COL6A3: variants seen among roughly 807,000 people sequenced by gnomAD.
The protein encoded by COL6A3 is collagen type VI alpha 3 chain.
COL6A3 carries 137 observed loss-of-function variants against 274.1 expected under a neutral mutation model. That is an observed-to-expected ratio of 0.50 (90% confidence interval 0.44 to 0.58). The LOEUF is 0.58. COL6A3 is among the 20% of genes least tolerant of loss of function. COL6A3 has a pLI of 0.00. For synonymous variants in COL6A3, 1,650 were observed against 1,650.6 expected, an observed-to-expected ratio of 1.00 and a Z score of 0.01; for missense variants, 3,950 against 4,124.9, an observed-to-expected ratio of 0.96 and a Z score of 1.16.
In COL6A3 at chr2:237,414,107, T is replaced by G. The variant is rs1412911634; in HGVS notation, c.-185A>C. Reference sequence around the variant, plus strand: ...ACTCAGAGCTGCGGAGGAAAACTCTTGCAGTCCTTGCAGGAGGCTGGAGCC... The same window carrying G: ...ACTCAGAGCTGCGGAGGAAAACTCTGGCAGTCCTTGCAGGAGGCTGGAGCC... On this transcript the variant is annotated 5_prime_UTR_variant, in exon 1 of 44. Transcript: ENST00000295550. 2 of 152,202 alleles carry G rather than the reference T, an allele frequency of 1.3e-5. No individual in the cohort carries two copies. The highest frequency in any genetic ancestry group is 4.8e-5 in the African/African-American group (2 of 41,452). 9.4% of individuals were successfully genotyped at this position (152,202 alleles called of 1,614,324 possible). A position where few individuals can be genotyped will look rare whatever the true frequency, so the allele number is the denominator to read the frequency against.
intron 26 of COL6A3, among the ~76,000 whole-genome samples, chr2:237,351,907 C>T (rs1389621311): frequency 1.3e-5 from 2 of 152,148 alleles, no homozygotes; most frequent in Admixed American, 6.6e-5. Context: ...AGCTCGTTAC[C>T]AGTTTATTAG....
In COL6A3 at chr2:237,387,619, C is replaced by T. The variant is rs370549716; in HGVS notation, c.1275G>A (p.Arg425=). The T allele has an allele frequency of 1.9e-6, 3 of 1,613,726 alleles. No individual in the cohort carries two copies. In the African/African-American group the frequency reaches 4.0e-5, roughly 22 times the overall value. Residue 425 remains arginine (R), a synonymous_variant, in exon 4 of 44, where the codon AGG becomes AGA. Transcript: ENST00000295550. ...TGGTTGGCGGTTTCAAGACAATGTGCCTTTGGGCCACGCCAACAATGTACG... is the reference window on the plus strand; with the variant it reads ...TGGTTGGCGGTTTCAAGACAATGTGTCTTTGGGCCACGCCAACAATGTACG... ...LLPYIVGVAQ[R]HIVLKPPTIV...
intron 4 of COL6A3, among the ~76,000 whole-genome samples, chr2:237,382,355 C>G (rs2078029350): frequency 6.6e-6 from 1 of 152,070 alleles, no homozygotes; most frequent in Non-Finnish European, 1.5e-5. Flanking sequence ...TGCACTCCAG[C>G]CTGGGTGATA....
At position 237,387,562 on chromosome 2, in the gene COL6A3, G is replaced by A; in HGVS notation, c.1312+20C>T. 1 of 1,613,828 alleles carries A rather than the reference G, an allele frequency of 6.2e-7. No individual in the cohort carries two copies. The highest frequency in any genetic ancestry group is 8.5e-7 in the Non-Finnish European group (1 of 1,179,970). On this transcript the variant is annotated intron_variant, in intron 4 of 43. Coordinates refer to ENST00000295550, the MANE Select transcript of COL6A3 (RefSeq NM_004369.4). ...CACAACACCCCACTCCCACACAGAT[G>A]GTGAGAAGAGGATACATACCTTGTG...
At chr2:237,386,801 TG>T (rs1003010521) in intron 4 of COL6A3, among the ~76,000 whole-genome samples, 1 of 152,198 alleles carries the variant, frequency 6.6e-6, no homozygotes, top group Non-Finnish European at 1.5e-5. Flanking sequence ...GAAAAGTGAC[TG>T]ATGTCTCAGA....
chr2:237,377,358 AG>A lies in COL6A3; in HGVS notation c.2498-15del, dbSNP rs1407794582. 6.3e-7 allele frequency: 1 copy of A among 1,599,418 alleles called. No individual in the cohort carries two copies. The highest frequency in any genetic ancestry group is 1.7e-5 in the Admixed American group (1 of 60,022). On this transcript the variant is annotated splice_polypyrimidine_tract_variant and intron_variant, in intron 6 of 43. Transcript: ENST00000295550. ...CTCGCTTGCTCTCTGCAATGAAGGT[AG>A]ATTAGGATACAATGAGGGACGAGAG...
chr2:237,350,727 CT>C (rs1559215400), intron 27 of COL6A3, among the ~76,000 whole-genome samples: 1 of 152,206 alleles, frequency 6.6e-6, no homozygotes, highest in Non-Finnish European at 1.5e-5. Context: ...AGCTGAGCCA[CT>C]GTGCGTGCAC....
chr2:237,410,350 C>G (rs969549573), intron 1 of COL6A3, among the ~76,000 whole-genome samples: 1 of 146,980 alleles, frequency 6.8e-6, no homozygotes, highest in Non-Finnish European at 1.5e-5. Flanking sequence ...GTCGCCCAGG[C>G]GCTGAAGTGC....
Position 237,365,917 on chromosome 2 carries a change from G to A in COL6A3, c.5619C>T (p.His1873=), listed in dbSNP as rs146355600. 972 of 1,614,176 alleles carry A rather than the reference G, an allele frequency of 6.0e-4. 1 individual carries two copies. In the Middle Eastern group the frequency reaches 8.9e-3, roughly 15 times the overall value. ...AGCGGCCACCGCTGCAGCTGACCCTGTGCATCTGGCTGATTCTGTTCAAGA... is the reference window on the plus strand; with the variant it reads ...AGCGGCCACCGCTGCAGCTGACCCTATGCATCTGGCTGATTCTGTTCAAGA... The part of the protein sequence containing the change: ...DAILNRISQM[H]RVSCSGGRSP... Residue 1873 remains histidine (H), a synonymous_variant, in exon 12 of 44, where the codon CAC becomes CAT. Coordinates refer to ENST00000295550, the MANE Select transcript of COL6A3 (RefSeq NM_004369.4).
chr2:237,331,095 T>A (rs1700203230), intron 42 of COL6A3, among the ~76,000 whole-genome samples: 1 of 152,200 alleles, frequency 6.6e-6, no homozygotes, highest in South Asian at 2.1e-4. Flanking sequence ...GTAAGAGGAA[T>A]GAAAATGGAC....
intron 1 of COL6A3, among the ~76,000 whole-genome samples, chr2:237,399,695 C>A (rs1485511505): frequency 6.6e-6 from 1 of 152,228 alleles, no homozygotes; most frequent in Non-Finnish European, 1.5e-5. Context: ...AAACACATTT[C>A]ATGGGCTATT....
At chr2:237,404,507 CTT>C (rs1559291062) in intron 1 of COL6A3, among the ~76,000 whole-genome samples, 2 of 152,104 alleles carry the variant, frequency 1.3e-5, no homozygotes, top group African/African-American at 4.8e-5. Context: ...TATAGAGGCT[CTT>C]TGTAAAGCAT....
At position 237,336,424 on chromosome 2, in the gene COL6A3, G is replaced by C; in HGVS notation, c.8676C>G (p.Thr2892=). ...TTATAATAGTCACAGGCTTTGTTGT[G>C]GTGGTTACAGGCTTTGTTGTGGTGG... ...PVTTTTKPVT[T]TTKPVTIINQ... The change falls in exon 40 of 44, where the codon ACC becomes ACG. Residue 2892 remains threonine, a synonymous_variant. Coordinates refer to ENST00000295550, the MANE Select transcript of COL6A3 (RefSeq NM_004369.4). 1 of 1,613,560 alleles carries C rather than the reference G, an allele frequency of 6.2e-7. No individual in the cohort carries two copies. The highest frequency in any genetic ancestry group is 2.2e-5 in the East Asian group (1 of 44,886).
intron 10 of COL6A3, among the ~76,000 whole-genome samples, chr2:237,367,574 T>C (rs2077583467): frequency 6.6e-6 from 1 of 152,218 alleles, no homozygotes; most frequent in Admixed American, 6.5e-5. Context: ...ACTTCAGTTA[T>C]CCCGTGCAAA....
intron 27 of COL6A3, among the ~76,000 whole-genome samples, chr2:237,350,509 C>A (rs2077183439): frequency 6.6e-6 from 1 of 152,154 alleles, no homozygotes; most frequent in South Asian, 2.1e-4. Context: ...CATAAAACCC[C>A]AAAACACTCT....
intron 25 of COL6A3, among the ~76,000 whole-genome samples, 177 bp from the exon 26 acceptor site, chr2:237,352,761 G>A (rs927448638): frequency 1.1e-4 from 17 of 152,210 alleles, no homozygotes; most frequent in Admixed American, 7.2e-4. Context: ...AATCCAGATC[G>A]TGAATAGGCA....
At position 237,359,047 on chromosome 2, in the gene COL6A3, A is replaced by T. The variant is rs2077378266; in HGVS notation, c.6396T>A (p.Asn2132Lys). ...GAAATACACCTACCCTTCTTCCAGG[A>T]TTCCCTTTCTCTCCAGAAGAACCAG... The part of the protein sequence containing the change: ...GLPGSSGEKG[N>K]PGRRGDKGPR... Residue 2132 changes from asparagine (N) to lysine (K), a missense_variant, in exon 20 of 44, where the codon AAT (asparagine) becomes AAA (lysine). Asn to Lys is a moderately conservative substitution (Grantham distance 94). Coordinates refer to ENST00000295550, the MANE Select transcript of COL6A3 (RefSeq NM_004369.4). 1 of 1,614,106 alleles carries T rather than the reference A, an allele frequency of 6.2e-7. No homozygotes were observed. The highest frequency in any genetic ancestry group is 8.5e-7 in the Non-Finnish European group (1 of 1,179,946).
intron 40 of COL6A3, among the ~76,000 whole-genome samples, chr2:237,335,548 G>T (rs1165925351): frequency 2.6e-5 from 4 of 152,140 alleles, no homozygotes; most frequent in Admixed American, 2.6e-4. Flanking sequence ...GAGCCTTGGG[G>T]AATGACTGAT....
At chr2:237,412,837 G>A (rs1464019557) in intron 1 of COL6A3, among the ~76,000 whole-genome samples, 1 of 152,058 alleles carries the variant, frequency 6.6e-6, no homozygotes, top group East Asian at 1.9e-4. Flanking sequence ...GGGGAGAGAA[G>A]CCAGTCAGCC....
Sources: gnomAD v4.1 joint callset for allele counts (sites outside exome capture counted in the v4.1 genomes callset) on GRCh38, gnomAD v4.1.1 for gene constraint, MANE v1.5 for transcripts, NCBI Gene and HGNC (gene_info 2026-07-23, HGNC 2026-07-21) for gene names.